Variants in SLC7A5 observed in about 807,000 individuals in gnomAD.
SLC7A5 encodes solute carrier family 7 member 5, also known as large neutral amino acids transporter small subunit 1.
A neutral mutation model predicts 50.2 loss-of-function variants in SLC7A5; 23 were observed. That is an observed-to-expected ratio of 0.46 (90% CI 0.33 to 0.65). SLC7A5 has a LOEUF of 0.65. Ranked by LOEUF, SLC7A5 falls within the 30% of genes least tolerant of loss-of-function variation. The probability of loss-of-function intolerance (pLI) is 0.02; values close to 1 mark genes in which losing one functional copy is unlikely to be tolerated. For synonymous variants in SLC7A5, 393 were observed against 330.6 expected, an observed-to-expected ratio of 1.19 and a Z score of -2.05; for missense variants, 578 against 684.4, an observed-to-expected ratio of 0.84 and a Z score of 1.73.
intron 1 of SLC7A5, among the ~76,000 whole-genome samples, chr16:87,867,657 T>C (rs573754648): frequency 3.1e-4 from 47 of 151,434 alleles, no homozygotes; most frequent in Non-Finnish European, 4.1e-4. Flanking sequence ...ACCCCAACTA[T>C]AAATTAGCCC....
At chr16:87,834,822 G>A (rs975797437) in intron 8 of SLC7A5, among the ~76,000 whole-genome samples, 1 of 152,246 alleles carries the variant, frequency 6.6e-6, no homozygotes, top group African/African-American at 2.4e-5. Context: ...GATGAGGGAT[G>A]GAAGGAGACA....
In SLC7A5 at chr16:87,832,786, T is replaced by C. The variant is rs1020021141; in HGVS notation, c.*184A>G. 24 of 630,158 alleles carry C rather than the reference T, an allele frequency of 3.8e-5. No individual in the cohort carries two copies. Among genetic ancestry groups the C allele is most frequent in the African/African-American group, 2.3e-4 (13 of 55,876 alleles). 39.0% of individuals were successfully genotyped at this position (630,158 alleles called of 1,614,324 possible). A position where few individuals can be genotyped will look rare whatever the true frequency, so the allele number is the denominator to read the frequency against. On this transcript the variant is annotated 3_prime_UTR_variant, in exon 10 of 10. Transcript: ENST00000261622. This position sits in a 1 kb window ranked among gnomAD's most constrained non-coding sequence, Gnocchi z 4.6. ...GCACACCTGGGTCCCTGGCCCTCAGTTGAGGGATGAGATTCGTACCAGAGT... is the reference window on the plus strand; with the variant it reads ...GCACACCTGGGTCCCTGGCCCTCAGCTGAGGGATGAGATTCGTACCAGAGT...
Position 87,860,621 on chromosome 16 carries a change from A to T in SLC7A5, c.538+8264T>A, listed in dbSNP as rs1403624834. Among the ~76,000 whole-genome samples the T allele has an allele frequency of 6.6e-6, 1 of 152,084 alleles. No individual in the cohort carries two copies. Among genetic ancestry groups the T allele is most frequent in the African/African-American group, 2.4e-5 (1 of 41,402 alleles). On this transcript the variant is annotated intron_variant, in intron 1 of 9. Coordinates refer to ENST00000261622, the MANE Select transcript of SLC7A5 (RefSeq NM_003486.7). This position sits in a 1 kb window ranked among gnomAD's most constrained non-coding sequence, Gnocchi z 4.8. Reference sequence around the variant, plus strand: ...AGGGCCTCCAGGCCTTGGTCCTCACATTTGACTCCGGATAAATCTCTTCAA... The same window carrying T: ...AGGGCCTCCAGGCCTTGGTCCTCACTTTTGACTCCGGATAAATCTCTTCAA...
chr16:87,846,763 C>T (rs2055159330), intron 2 of SLC7A5, among the ~76,000 whole-genome samples: 1 of 152,250 alleles, frequency 6.6e-6, no homozygotes, highest in Non-Finnish European at 1.5e-5. Context: ...TGAGACCCAC[C>T]CACCCAGGCC....
Position 87,852,638 on chromosome 16 carries a change from C to CTGTGTGTGTGTGTG in SLC7A5, c.539-803_539-790dup, listed in dbSNP as rs61164920. 0.01 allele frequency among the ~76,000 whole-genome samples: 1,224 copies of CTGTGTGTGTGTGTG among 116,778 alleles called. 26 individuals carry two copies. The highest frequency in any genetic ancestry group is 0.06 in the East Asian group (205 of 3,424). 76.6% of individuals were successfully genotyped at this position (116,778 alleles called of 152,430 possible). ...CTGTAAGGCACCCAGCTCTGAGCCT[C>CTGTGTGTGTGTGTG]TGTGTGTGTGTGTGTGTGTGTGTGT... On this transcript the variant is annotated intron_variant, in intron 1 of 9. Coordinates refer to ENST00000261622, the MANE Select transcript of SLC7A5 (RefSeq NM_003486.7). This position sits in a 1 kb window ranked among gnomAD's most constrained non-coding sequence, Gnocchi z 4.5.
chr16:87,866,710 G>A (rs1299252981), intron 1 of SLC7A5, among the ~76,000 whole-genome samples: 8 of 152,028 alleles, frequency 5.3e-5, no homozygotes, highest in African/African-American at 7.2e-5. Flanking sequence ...CAGGTGATCC[G>A]CCTGCCTCGG....
intron 1 of SLC7A5, among the ~76,000 whole-genome samples, chr16:87,865,513 A>C (rs1330570692): frequency 2.6e-5 from 4 of 151,940 alleles, no homozygotes; most frequent in African/African-American, 4.8e-5. Context: ...GTTCAAGACA[A>C]GCCTGGCCAA....
In SLC7A5 at chr16:87,832,941, G is replaced by A; in HGVS notation, c.*29C>T. 6 of 1,598,238 alleles carry A rather than the reference G, an allele frequency of 3.8e-6. No homozygotes were observed. The highest frequency in any genetic ancestry group is 5.1e-6 in the Non-Finnish European group (6 of 1,165,936). ...TCTACTTTAACTGGCCTCTGCGCAT[G>A]CTCCTCCGGCAGCCACTCGGCCTCC... On this transcript the variant is annotated 3_prime_UTR_variant, in exon 10 of 10. Coordinates refer to ENST00000261622, the MANE Select transcript of SLC7A5 (RefSeq NM_003486.7). The surrounding 1 kb of genome is among the most constrained non-coding windows in gnomAD (Gnocchi z 4.6).
chr16:87,866,847 T>A (rs572173637), intron 1 of SLC7A5, among the ~76,000 whole-genome samples: 1 of 152,224 alleles, frequency 6.6e-6, no homozygotes, highest in East Asian at 1.9e-4. Flanking sequence ...CAGCGCCCCA[T>A]CCTACGTCTC....
chr16:87,865,436 T>C (rs8050922), intron 1 of SLC7A5, among the ~76,000 whole-genome samples: 37,527 of 152,110 alleles, frequency 0.25, 5,785 homozygotes, highest in African/African-American at 0.44. Flanking sequence ...AGGCCAGGTG[T>C]GGTGGCTCAA....
At chr16:87,863,986 A>AAAAAAAATATAT (rs376938738) in intron 1 of SLC7A5, among the ~76,000 whole-genome samples, 4 of 83,280 alleles carry the variant, frequency 4.8e-5, no homozygotes, top group African/African-American at 1.6e-4. Context: ...ATCATTTAAA[A>AAAAAAAATATAT]ATATATATAT....
At chr16:87,839,918 T>C (rs530940581) in intron 4 of SLC7A5, 93 bp from the exon 5 acceptor site, 4 of 1,534,984 alleles carry the variant, frequency 2.6e-6, no homozygotes, top group East Asian at 2.3e-5. Flanking sequence ...TCGCAAGCAG[T>C]AGCTCCAGCC....
chr16:87,866,036 C>T (rs2055456497), intron 1 of SLC7A5, among the ~76,000 whole-genome samples: 1 of 152,078 alleles, frequency 6.6e-6, no homozygotes, highest in Non-Finnish European at 1.5e-5. Flanking sequence ...CAAAAAACCA[C>T]ATACCCTTTT....
Position 87,862,137 on chromosome 16 carries a change from G to T in SLC7A5, c.538+6748C>A, listed in dbSNP as rs1597517726. Among the ~76,000 whole-genome samples, 1 of 152,114 alleles carries T rather than the reference G, an allele frequency of 6.6e-6. No individual in the cohort carries two copies. ...AGAAGTGGGGCTACAGGCTACAGGTGCTTGATACCCCAGGGGGGCCCTGGA... is the reference window on the plus strand; with the variant it reads ...AGAAGTGGGGCTACAGGCTACAGGTTCTTGATACCCCAGGGGGGCCCTGGA... On this transcript the variant is annotated intron_variant, in intron 1 of 9. Transcript: ENST00000261622. The surrounding 1 kb of genome is among the most constrained non-coding windows in gnomAD (Gnocchi z 5.3).
rs2055270542 is a variant in SLC7A5 at position 87,853,751 on chromosome 16, T to TCGCTCATTCATGCC, written c.539-1916_539-1903dup. On this transcript the variant is annotated intron_variant, in intron 1 of 9. Transcript: ENST00000261622. This position sits in a 1 kb window ranked among gnomAD's most constrained non-coding sequence, Gnocchi z 4.4. ...GCAAGAGGCCGGCTGATTGCATCACTCGCTCATTCATGCCCGGAGGGAGGC... is the reference window on the plus strand; with the variant it reads ...GCAAGAGGCCGGCTGATTGCATCACTCGCTCATTCATGCCCGCTCATTCATGCCCGGAGGGAGGC... 6.6e-6 allele frequency: 1 copy of TCGCTCATTCATGCC among 152,170 alleles called. No individual in the cohort carries two copies. The highest frequency in any genetic ancestry group is 1.5e-5 in the Non-Finnish European group (1 of 68,038). 9.4% of individuals were successfully genotyped at this position (152,170 alleles called of 1,614,324 possible).
In SLC7A5 at chr16:87,863,272, T is replaced by C. The variant is rs143437480; in HGVS notation, c.538+5613A>G. On this transcript the variant is annotated intron_variant, in intron 1 of 9. Transcript: ENST00000261622. Reference sequence around the variant, plus strand: ...AGGCCCACAGCATCTTCTGAACCTGTGAGTTCCCACTTACTGAGAACTCGC... The same window carrying C: ...AGGCCCACAGCATCTTCTGAACCTGCGAGTTCCCACTTACTGAGAACTCGC... Among the ~76,000 whole-genome samples, 969 of 152,262 alleles carry C rather than the reference T, an allele frequency of 6.4e-3. 21 individuals carry two copies. The highest frequency in any genetic ancestry group is 0.021 in the African/African-American group (875 of 41,542).
chr16:87,849,199 G>A (rs538674762), intron 2 of SLC7A5, among the ~76,000 whole-genome samples: 105 of 151,430 alleles, frequency 6.9e-4, no homozygotes, highest in Non-Finnish European at 1.3e-3. Context: ...AGCGAGGGGA[G>A]GGGGCAGCTG....
rs1169543797 is a variant in SLC7A5, at chr16:87,861,254, T to C, written c.538+7631A>G. On this transcript the variant is annotated intron_variant, in intron 1 of 9. Coordinates refer to ENST00000261622, the MANE Select transcript of SLC7A5 (RefSeq NM_003486.7). The surrounding 1 kb of genome is among the most constrained non-coding windows in gnomAD (Gnocchi z 4.2). Reference sequence around the variant, plus strand: ...TACCTGGATGTGAGTCTGGGAAGGATGGAGAAGGGTGGAGGAGCGCAAAGG... The same window carrying C: ...TACCTGGATGTGAGTCTGGGAAGGACGGAGAAGGGTGGAGGAGCGCAAAGG... 1.3e-5 allele frequency among the ~76,000 whole-genome samples: 2 copies of C among 151,832 alleles called. No homozygotes were observed. Among genetic ancestry groups the C allele is most frequent in the Non-Finnish European group, 2.9e-5 (2 of 67,906 alleles).
chr16:87,854,075 C>CCA (rs1862780420), intron 1 of SLC7A5: 1 of 87,080 alleles, frequency 1.1e-5, no homozygotes, highest in Admixed American at 1.1e-4. Context: ...CCCCCCCGCC[C>CCA]CCCCCCCCAC....
Sources: gnomAD v4.1 joint callset for allele counts (sites outside exome capture counted in the v4.1 genomes callset) on GRCh38, gnomAD v4.1.1 for gene constraint, Gnocchi (gnomAD v3.1) non-coding constraint, MANE v1.5 for transcripts, NCBI Gene and HGNC (gene_info 2026-07-23, HGNC 2026-07-21) for gene names.